Variants in ZFAND3 observed in about 807,000 individuals in gnomAD.
ZFAND3 encodes AN1-type zinc finger protein 3.
ZFAND3 carries 10 observed loss-of-function variants against 29.6 expected under a neutral mutation model. The observed-to-expected ratio is 0.34, with a 90% confidence interval of 0.21 to 0.57. The LOEUF is 0.57. ZFAND3 is among the 20% of genes least tolerant of loss of function. The pLI is 0.86. For missense variants in ZFAND3, 230 were observed against 304.5 expected (o/e 0.76, Z 1.82); for synonymous variants, 128 against 112.6 (o/e 1.14, Z -0.87).
intron 1 of ZFAND3, among the ~76,000 whole-genome samples, chr6:37,866,775 C>G (rs1326765517): frequency 6.6e-6 from 1 of 152,178 alleles, no homozygotes; most frequent in African/African-American, 2.4e-5. Flanking sequence ...CTTATTTTTA[C>G]TTCAATCACT....
chr6:38,107,948 C>T (rs1033554173), intron 4 of ZFAND3, among the ~76,000 whole-genome samples: 2 of 151,114 alleles, frequency 1.3e-5, no homozygotes, highest in African/African-American at 2.4e-5. Context: ...AAAAAGCTCA[C>T]GTTATTTGAA....
At chr6:37,936,247 C>T (rs1214489636) in intron 2 of ZFAND3, among the ~76,000 whole-genome samples, 1 of 152,186 alleles carries the variant, frequency 6.6e-6, no homozygotes, top group African/African-American at 2.4e-5. Context: ...GAAGTAACTC[C>T]TCTACTAATG....
chr6:38,068,802 T>C (rs1382835646), intron 3 of ZFAND3, among the ~76,000 whole-genome samples: 4 of 152,234 alleles, frequency 2.6e-5, no homozygotes, highest in Non-Finnish European at 5.9e-5. Context: ...TTCCAGGTGC[T>C]GACTGGATTT....
chr6:37,868,960 G>T (rs1473150636), intron 1 of ZFAND3, among the ~76,000 whole-genome samples: 1 of 152,170 alleles, frequency 6.6e-6, no homozygotes, highest in African/African-American at 2.4e-5. Context: ...GGTTTGGTTT[G>T]TGTGAATATT....
chr6:37,936,689 T>G (rs1761704419), intron 2 of ZFAND3, among the ~76,000 whole-genome samples: 1 of 151,998 alleles, frequency 6.6e-6, no homozygotes, highest in Non-Finnish European at 1.5e-5. Context: ...AGAGTAAGAG[T>G]AATTGGGGAG....
At chr6:38,129,429 GTTATC>G (rs1765701310) in intron 5 of ZFAND3, among the ~76,000 whole-genome samples, 1 of 152,160 alleles carries the variant, frequency 6.6e-6, no homozygotes, top group Non-Finnish European at 1.5e-5. Flanking sequence ...TTTTTCCAAT[GTTATC>G]TTTTAGAATT....
At chr6:38,089,999 G>A (rs1447523974) in intron 4 of ZFAND3, among the ~76,000 whole-genome samples, 1 of 152,064 alleles carries the variant, frequency 6.6e-6, no homozygotes, top group African/African-American at 2.4e-5. Flanking sequence ...GACTACAGGT[G>A]CGTGCCACCA....
chr6:37,974,208 G>A (rs188366380), intron 2 of ZFAND3, among the ~76,000 whole-genome samples: 14 of 152,094 alleles, frequency 9.2e-5, no homozygotes, highest in East Asian at 5.8e-4. Context: ...GATTGCAGGC[G>A]CCTGCCATGA....
At chr6:37,909,620 C>CTT (rs34105026) in intron 1 of ZFAND3, among the ~76,000 whole-genome samples, 23 of 122,950 alleles carry the variant, frequency 1.9e-4, no homozygotes, top group South Asian at 5.3e-4. Flanking sequence ...GTTCAGAATT[C>CTT]TTTTTTTTTT....
chr6:38,082,109 C>A (rs1764674099), intron 3 of ZFAND3, among the ~76,000 whole-genome samples: 1 of 150,088 alleles, frequency 6.7e-6, no homozygotes, highest in African/African-American at 2.5e-5. Flanking sequence ...AATTTTTATT[C>A]TTTAACTTGT....
At chr6:37,904,499 G>A (rs1765374303) in intron 1 of ZFAND3, among the ~76,000 whole-genome samples, 1 of 152,136 alleles carries the variant, frequency 6.6e-6, no homozygotes, top group African/African-American at 2.4e-5. Flanking sequence ...GAAAGTCTCA[G>A]CCCAATGAAA....
At chr6:38,057,490 TTTG>T (rs1764152697) in intron 2 of ZFAND3, among the ~76,000 whole-genome samples, 1 of 152,234 alleles carries the variant, frequency 6.6e-6, no homozygotes, top group Non-Finnish European at 1.5e-5. Context: ...AATTCTGTCA[TTTG>T]TTAAGTACTC....
rs1561978675 is a variant in ZFAND3 at position 38,045,097 on chromosome 6, T to TTG, written c.113-16496_113-16495insTG. ...TTATTTATTTATTTATTTATTTATT[T>TTG]ATTTATTGAGATGGAATCTCACTCT... On this transcript the variant is annotated intron_variant, in intron 2 of 5. Transcript: ENST00000287218. Among the ~76,000 whole-genome samples, 213 of 148,514 alleles carry TTG rather than the reference T, an allele frequency of 1.4e-3. 1 individual carries two copies. The highest frequency in any genetic ancestry group is 5.1e-3 in the African/African-American group (207 of 40,594).
intron 2 of ZFAND3, among the ~76,000 whole-genome samples, chr6:37,973,466 A>G (rs1762425482): frequency 6.6e-6 from 1 of 152,230 alleles, no homozygotes; most frequent in African/African-American, 2.4e-5. Context: ...GTCTGATGCA[A>G]CTTTTTGTAA....
rs559284512 is a variant in ZFAND3, at chr6:38,135,535, A to G, written c.530-16700A>G. On this transcript the variant is annotated intron_variant, in intron 5 of 5. Coordinates refer to ENST00000287218, the MANE Select transcript of ZFAND3 (RefSeq NM_021943.3). ...CAAGGCGGGTGGATCACCTGAGGTCAGGAGTTCGAGACAAACCTGACCAAT... is the reference window on the plus strand; with the variant it reads ...CAAGGCGGGTGGATCACCTGAGGTCGGGAGTTCGAGACAAACCTGACCAAT... 1.2e-4 allele frequency among the ~76,000 whole-genome samples: 19 copies of G among 152,310 alleles called. No individual in the cohort carries two copies. In the South Asian group the frequency reaches 3.5e-3, roughly 28 times the overall value.
At chr6:38,096,642 T>G (rs1183764920) in intron 4 of ZFAND3, among the ~76,000 whole-genome samples, 3 of 151,946 alleles carry the variant, frequency 2.0e-5, no homozygotes, top group Non-Finnish European at 4.4e-5. Context: ...TTTGTGGGGG[T>G]TTTTTTGTTT....
At chr6:38,038,337 A>G (rs1402736781) in intron 2 of ZFAND3, among the ~76,000 whole-genome samples, 1 of 152,254 alleles carries the variant, frequency 6.6e-6, no homozygotes, top group Non-Finnish European at 1.5e-5. Flanking sequence ...GCAATTAAAA[A>G]GGAGATTCTG....
intron 2 of ZFAND3, among the ~76,000 whole-genome samples, chr6:37,987,570 G>A (rs1762691772): frequency 6.6e-6 from 1 of 152,152 alleles, no homozygotes; most frequent in Non-Finnish European, 1.5e-5. Flanking sequence ...CCTTTCAAAT[G>A]GTTGTTCCAA....
chr6:38,097,250 T>TTTC (rs1491588238), intron 4 of ZFAND3, among the ~76,000 whole-genome samples: 2 of 68,578 alleles, frequency 2.9e-5, no homozygotes, highest in African/African-American at 1.1e-4. Flanking sequence ...TAATTTTTCA[T>TTTC]TTTTTTTTTT....
Sources: gnomAD v4.1 joint callset for allele counts (sites outside exome capture counted in the v4.1 genomes callset) on GRCh38, gnomAD v4.1.1 for gene constraint, MANE v1.5 for transcripts, NCBI Gene and HGNC (gene_info 2026-07-23, HGNC 2026-07-21) for gene names.